NXPE1: variants seen among roughly 807,000 people sequenced by gnomAD.
NXPE1 encodes neurexophilin and PC-esterase domain family member 1, also known as NXPE family member 1.
NXPE1 carries 31 observed loss-of-function variants against 33.3 expected under a neutral mutation model. That is an observed-to-expected ratio of 0.93 (90% CI 0.70 to 1.26). The LOEUF (loss-of-function observed/expected upper bound fraction) is 1.26, where lower values mean the gene tolerates loss of function less well. Among genes scored for constraint, NXPE1 ranks in the 50% most tolerant of loss-of-function variants. The pLI is 0.00. For synonymous variants in NXPE1, 229 were observed against 231.4 expected, an observed-to-expected ratio of 0.99 and a Z score of 0.09; for missense variants, 661 against 655.6, an observed-to-expected ratio of 1.01 and a Z score of -0.09.
In NXPE1 at chr11:114,522,495, A is replaced by G. The variant is rs1356162079; in HGVS notation, c.1117T>C (p.Phe373Leu). 3.1e-6 allele frequency: 5 copies of G among 1,587,422 alleles called. No individual in the cohort carries two copies. The Admixed American group carries it at 9.1e-5, about 29-fold the overall frequency. The change falls in exon 9 of 9, where the codon TTT (phenylalanine) becomes CTT (leucine). Residue 373 changes from phenylalanine (F) to leucine (L), a missense_variant. Physicochemically the swap from Phe to Leu is conservative, Grantham distance 22 (BLOSUM62 0). Transcript: ENST00000534921. ...ATTCCAGTTTCATGAAGATCAAAAA[A>G]CTTCAGTGCTGATAAAAAAACAAAT...
At position 114,522,983 on chromosome 11, in the gene NXPE1, A is replaced by T; in HGVS notation, c.1004T>A (p.Leu335Ter). 1.2e-6 allele frequency: 2 copies of T among 1,613,754 alleles called. No individual in the cohort carries two copies. Among genetic ancestry groups the T allele is most frequent in the African/African-American group, 1.3e-5 (1 of 75,048 alleles). Residue 335 changes from leucine (L) to a stop codon, truncating the protein, a stop_gained, in exon 8 of 9, where the codon TTA becomes TAA. Transcript: ENST00000534921. LOFTEE classifies it high-confidence loss of function. ...ACAGCCATTTATCTTAATTGTGTCT[A>T]ACTGAACCTGGTTGCAAAATGTTGT...
intron 5 of NXPE1, among the ~76,000 whole-genome samples, chr11:114,548,599 G>A (rs1418228936): frequency 6.6e-6 from 1 of 151,896 alleles, no homozygotes; most frequent in Non-Finnish European, 1.5e-5. Flanking sequence ...AATCAATTGG[G>A]TATTTTGAAA....
intron 5 of NXPE1, among the ~76,000 whole-genome samples, chr11:114,542,715 C>T (rs962050273): frequency 5.9e-5 from 9 of 151,914 alleles, no homozygotes; most frequent in African/African-American, 2.2e-4. Context: ...CAATATTGCT[C>T]ATTAGAGGGA....
intron 5 of NXPE1, 66 bp from the exon 6 acceptor site, chr11:114,530,974 G>C (rs1947558257): frequency 1.4e-6 from 2 of 1,422,906 alleles, no homozygotes; most frequent in Non-Finnish European, 1.9e-6. Flanking sequence ...CTTATTATGA[G>C]TTTGAATATT....
intron 1 of NXPE1, chr11:114,554,270 C>G (rs1369815571): frequency 1.0e-6 from 1 of 975,104 alleles, no homozygotes; most frequent in Non-Finnish European, 1.2e-6. Flanking sequence ...GTGGCCAGGA[C>G]ACTGAGTTCT....
At chr11:114,522,593 A>C in intron 8 of NXPE1, 90 bp from the exon 9 acceptor site, 1 of 1,054,776 alleles carries the variant, frequency 9.5e-7, no homozygotes, top group Non-Finnish European at 1.3e-6. Context: ...TACCCACCCT[A>C]CCTAGATAAT....
At chr11:114,530,902 A>T (rs753120256) in exon 6 of NXPE1, 2 of 1,602,364 alleles carry the variant, frequency 1.2e-6, no homozygotes, top group South Asian at 2.2e-5. Context: ...TTTAGAGCAG[A>T]CCAAAGCTGA....
rs555680665 is a variant in NXPE1, at chr11:114,535,641, G to A, written c.100-4733C>T. 1.4e-3 allele frequency among the ~76,000 whole-genome samples: 219 copies of A among 152,060 alleles called. 1 individual carries two copies. Among genetic ancestry groups the A allele is most frequent in the Admixed American group, 2.3e-3 (35 of 15,272 alleles). ...ATGCAGGGATTGCAATCCTAGTCTC[G>A]GATAAAACAGACTTAAACCAACAAA... On this transcript the variant is annotated intron_variant, in intron 5 of 8. Coordinates refer to ENST00000534921, the Ensembl canonical transcript of NXPE1.
intron 5 of NXPE1, among the ~76,000 whole-genome samples, chr11:114,534,638 G>A (rs574303275): frequency 2.8e-4 from 42 of 152,304 alleles, no homozygotes; most frequent in South Asian, 2.3e-3. Flanking sequence ...CGTGACAAAT[G>A]CACAAGCTTC....
At chr11:114,521,991 T>C in exon 9 of NXPE1, 1 of 1,613,078 alleles carries the variant, frequency 6.2e-7, no homozygotes, top group South Asian at 1.1e-5. Flanking sequence ...TTTAAGAACA[T>C]GTTAATCTGA....
chr11:114,551,813 TAGAA>T (rs1428754873), intron 3 of NXPE1, among the ~76,000 whole-genome samples, 157 bp downstream of exon 3: 1 of 151,730 alleles, frequency 6.6e-6, no homozygotes, highest in Non-Finnish European at 1.5e-5. Flanking sequence ...AAGAAGGAGA[TAGAA>T]AGAGACAATG....
intron 5 of NXPE1, among the ~76,000 whole-genome samples, chr11:114,534,130 T>G (rs1301915507): frequency 6.6e-6 from 1 of 152,154 alleles, no homozygotes; most frequent in Non-Finnish European, 1.5e-5. Context: ...GGTTAACCAA[T>G]ATCCGCTGTT....
intron 5 of NXPE1, among the ~76,000 whole-genome samples, chr11:114,539,340 G>A (rs896315156): frequency 4.6e-5 from 7 of 151,938 alleles, no homozygotes; most frequent in African/African-American, 1.7e-4. Context: ...GCTAAATGAC[G>A]AGTTAATGGG....
chr11:114,550,633 G>C (rs959940201), intron 5 of NXPE1, among the ~76,000 whole-genome samples: 9 of 152,146 alleles, frequency 5.9e-5, no homozygotes, highest in African/African-American at 2.2e-4. Flanking sequence ...AAGAAAACAT[G>C]GATGAATACC....
intron 7 of NXPE1, among the ~76,000 whole-genome samples, chr11:114,525,565 C>T (rs1018035044): frequency 6.6e-6 from 1 of 152,030 alleles, no homozygotes; most frequent in Non-Finnish European, 1.5e-5. Context: ...TCAGCTTCCC[C>T]CTTCCCCCCT....
rs542321189 is a variant in NXPE1, at chr11:114,539,279, G to A, written c.100-8371C>T. On this transcript the variant is annotated intron_variant, in intron 5 of 8. Transcript: ENST00000534921. The stretch of plus-strand genomic sequence containing the variant: ...AGGGGAACATCACACACTGGGGACT[G>A]TTGTGTGGTCTGGGGAGGGGGGAGG... 2.9e-4 allele frequency among the ~76,000 whole-genome samples: 43 copies of A among 147,684 alleles called. 1 individual carries two copies. The highest frequency in any genetic ancestry group is 8.3e-4 in the African/African-American group (33 of 39,692).
intron 5 of NXPE1, among the ~76,000 whole-genome samples, chr11:114,535,092 A>G (rs551462481): frequency 2.8e-4 from 43 of 152,310 alleles, no homozygotes; most frequent in Non-Finnish European, 1.9e-4. Context: ...CTTGCCAGAA[A>G]CTCTACGAGC....
At chr11:114,530,281 A>C (rs1467624373) in exon 6 of NXPE1, 13 of 1,614,224 alleles carry the variant, frequency 8.1e-6, no homozygotes, top group Non-Finnish European at 1.0e-5. Flanking sequence ...TTCATACAAT[A>C]GAAGGCTTCT....
rs763704150 is a variant in NXPE1, at chr11:114,537,646, CAGAG to C, written c.100-6742_100-6739del. Among the ~76,000 whole-genome samples the C allele has an allele frequency of 4.6e-5, 7 of 152,256 alleles. No individual in the cohort carries two copies. The East Asian group carries it at 9.6e-4, about 21-fold the overall frequency. On this transcript the variant is annotated intron_variant, in intron 5 of 8. Transcript: ENST00000534921. ...TTCTTATACACCAGTAACAGACAAA[CAGAG>C]AGCCAAATCATGAGTGAACTCCCAT... is the stretch of plus-strand genomic sequence containing the variant.
Sources: allele counts gnomAD v4.1 joint callset (sites outside exome capture counted in the v4.1 genomes callset), GRCh38; gene constraint gnomAD v4.1.1; transcripts MANE v1.5; gene names NCBI Gene and HGNC (gene_info 2026-07-23, HGNC 2026-07-21).